The following PPA2 variants were observed in gnomAD, a reference collection of about 807,000 sequenced individuals.
The protein encoded by PPA2 is inorganic pyrophosphatase 2, also known as inorganic pyrophosphatase 2, mitochondrial.
In PPA2, 48 loss-of-function variants were observed where a neutral mutation model predicts 49.5. That is an observed-to-expected ratio of 0.97 (90% CI 0.77 to 1.23). The LOEUF is 1.23. Among genes scored for constraint, PPA2 ranks in the 50% most tolerant of loss-of-function variants. The pLI is 0.00. For missense variants in PPA2, 429 were observed against 410.1 expected, an observed-to-expected ratio of 1.05 and a Z score of -0.40; for synonymous variants, 131 against 139.9, an observed-to-expected ratio of 0.94 and a Z score of 0.45.
chr4:105,377,036 G>A (rs1733282737), intron 10 of PPA2, among the ~76,000 whole-genome samples: 1 of 152,106 alleles, frequency 6.6e-6, no homozygotes, highest in Non-Finnish European at 1.5e-5. Context: ...ATTCCCAGAT[G>A]GGAAGAGTGG....
At chr4:105,452,977 C>T in intron 3 of PPA2, among the ~76,000 whole-genome samples, 1 of 151,734 alleles carries the variant, frequency 6.6e-6, no homozygotes, top group East Asian at 1.9e-4. Context: ...TTTTCTTCTC[C>T]TCTACTCCCA....
intron 6 of PPA2, among the ~76,000 whole-genome samples, chr4:105,430,156 T>C (rs1435491358): frequency 6.6e-6 from 1 of 152,220 alleles, no homozygotes; most frequent in Non-Finnish European, 1.5e-5. Context: ...ACAAGGTATG[T>C]AGAAAAAAGT....
At chr4:105,462,447 A>G (rs1723132491) in intron 1 of PPA2, among the ~76,000 whole-genome samples, 1 of 152,218 alleles carries the variant, frequency 6.6e-6, no homozygotes, top group Non-Finnish European at 1.5e-5. Flanking sequence ...ACCTCTCCCC[A>G]GTCTAGTTCC....
chr4:105,383,858 A>G (rs1033844042), intron 10 of PPA2, among the ~76,000 whole-genome samples: 1 of 151,604 alleles, frequency 6.6e-6, no homozygotes, highest in Non-Finnish European at 1.5e-5. Context: ...ATCAAGTATG[A>G]TGAATGACTT....
In PPA2 at chr4:105,438,653, T is replaced by C. The variant is rs1349930686; in HGVS notation, c.442-617A>G. Among the ~76,000 whole-genome samples, 5 of 152,322 alleles carry C rather than the reference T, an allele frequency of 3.3e-5. 1 individual carries two copies. In the South Asian group the frequency reaches 8.3e-4, roughly 25 times the overall value. On this transcript the variant is annotated intron_variant, in intron 5 of 11. Coordinates refer to ENST00000341695, the MANE Select transcript of PPA2 (RefSeq NM_176869.3). ...ATTATACCCTGTTGGTTACAAAATATACACATAGGAATTTTTATAAATGAA... is the reference window on the plus strand; with the variant it reads ...ATTATACCCTGTTGGTTACAAAATACACACATAGGAATTTTTATAAATGAA...
intron 10 of PPA2, among the ~76,000 whole-genome samples, chr4:105,384,164 T>C (rs1348706062): frequency 2.0e-5 from 3 of 152,198 alleles, no homozygotes; most frequent in African/African-American, 7.2e-5. Flanking sequence ...TTCTTTGACT[T>C]ACAAATATTG....
chr4:105,424,944 T>C (rs1723424950), intron 6 of PPA2, among the ~76,000 whole-genome samples: 1 of 152,208 alleles, frequency 6.6e-6, no homozygotes, highest in African/African-American at 2.4e-5. Flanking sequence ...ACCTATAAAA[T>C]GAGTTCCAAC....
chr4:105,471,273 G>T (rs904691988), intron 1 of PPA2, among the ~76,000 whole-genome samples: 1 of 152,132 alleles, frequency 6.6e-6, no homozygotes, highest in African/African-American at 2.4e-5. Context: ...CAGGGTCAGG[G>T]CTGGCACCAA....
chr4:105,370,778 AC>A (rs1732991442), intron 11 of PPA2, 58 bp downstream of exon 11: 1 of 1,326,674 alleles, frequency 7.5e-7, no homozygotes, highest in Non-Finnish European at 9.8e-7. Context: ...TTTGGCTTCC[AC>A]TACTGTAAAC....
At position 105,396,215 on chromosome 4, in the gene PPA2, TAACATTACTTACATAGAAAAGAC is replaced by T; in HGVS notation, c.869+11_869+33del. The T allele has an allele frequency of 7.3e-7, 1 of 1,368,158 alleles. No individual in the cohort carries two copies. The highest frequency in any genetic ancestry group is 1.4e-5 in the African/African-American group (1 of 69,082). 84.8% of individuals were successfully genotyped at this position (1,368,158 alleles called of 1,614,324 possible). On this transcript the variant is annotated intron_variant, in intron 9 of 11. Coordinates refer to ENST00000341695, the MANE Select transcript of PPA2 (RefSeq NM_176869.3). Reference sequence around the variant, plus strand: ...TGTGGCTGTTTAATACCAATTAATATAACATTACTTACATAGAAAAGACAAATTCTTACCAATTTATAGCTCCT... The same window carrying T: ...TGTGGCTGTTTAATACCAATTAATATAAATTCTTACCAATTTATAGCTCCT...
intron 7 of PPA2, among the ~76,000 whole-genome samples, chr4:105,411,869 A>G (rs908854775): frequency 2.0e-5 from 3 of 152,214 alleles, no homozygotes; most frequent in African/African-American, 7.2e-5. Context: ...AATACCTAGG[A>G]ATCCAACTTA....
chr4:105,373,041 G>T (rs1042271406), intron 10 of PPA2, among the ~76,000 whole-genome samples: 1 of 152,102 alleles, frequency 6.6e-6, no homozygotes, highest in African/African-American at 2.4e-5. Flanking sequence ...GTCTCGCTAA[G>T]TTGCCCAGGC....
At position 105,403,465 on chromosome 4, in the gene PPA2, C is replaced by T. The variant is rs187605094; in HGVS notation, c.656-4301G>A. Among the ~76,000 whole-genome samples the T allele has an allele frequency of 2.0e-5, 3 of 152,114 alleles. No individual in the cohort carries two copies. In the East Asian group the frequency reaches 5.8e-4, roughly 29 times the overall value. ...AATTAACAAAGATTATATAGAATCT[C>T]CTTAAGGGAATTTTTGTATTAAAAC... On this transcript the variant is annotated intron_variant, in intron 7 of 11. Transcript: ENST00000341695.
intron 5 of PPA2, among the ~76,000 whole-genome samples, chr4:105,440,122 C>G (rs1724279052): frequency 6.6e-6 from 1 of 152,104 alleles, no homozygotes; most frequent in Non-Finnish European, 1.5e-5. Context: ...TACTCCCACT[C>G]CCAAGAGAAC....
chr4:105,446,868 C>A (rs188552236), intron 4 of PPA2, among the ~76,000 whole-genome samples: 11 of 152,216 alleles, frequency 7.2e-5, no homozygotes, highest in Non-Finnish European at 1.5e-4. Flanking sequence ...AAAACTAACT[C>A]AAAGATTCCT....
At chr4:105,418,712 T>C (rs1723118522) in intron 7 of PPA2, among the ~76,000 whole-genome samples, 2 of 152,182 alleles carry the variant, frequency 1.3e-5, no homozygotes, top group African/African-American at 2.4e-5. Flanking sequence ...CAACAGACAA[T>C]AGTTTTCATT....
rs865942175 is a variant in PPA2 at position 105,396,249 on chromosome 4, C to A, written c.869G>T (p.Cys290Phe). 6.5e-7 allele frequency: 1 copy of A among 1,546,544 alleles called. No individual in the cohort carries two copies. Reference sequence around the variant, plus strand: ...TTACATAGAAAAGACAAATTCTTACCAATTTATAGCTCCTCCATTACACTT... The same window carrying A: ...TTACATAGAAAAGACAAATTCTTACAAATTTATAGCTCCTCCATTACACTT... ...MKKCNGGAIN[C>F]TNVQISDSPF... Residue 290 changes from cysteine to phenylalanine, a missense_variant and splice_region_variant, in exon 9 of 12, where the codon TGC (cysteine) becomes TTC (phenylalanine). Physicochemically the swap from Cys to Phe is radical, Grantham distance 205. Transcript: ENST00000341695.
At chr4:105,424,440 A>T (rs1723397376) in intron 6 of PPA2, 118 bp from the exon 7 acceptor site, 3 of 910,042 alleles carry the variant, frequency 3.3e-6, no homozygotes, top group Non-Finnish European at 4.5e-6. Context: ...AGCCTCAATA[A>T]TTAAAAATAA....
chr4:105,386,616 T>C lies in PPA2; in HGVS notation c.890A>G (p.Asp297Gly), dbSNP rs1482579232. 1 of 1,612,696 alleles carries C rather than the reference T, an allele frequency of 6.2e-7. No individual in the cohort carries two copies. The highest frequency in any genetic ancestry group is 1.1e-5 in the South Asian group (1 of 91,040). The change falls in exon 10 of 12, where the codon GAT (aspartate) becomes GGT (glycine). Residue 297 changes from aspartate to glycine, a missense_variant. Coordinates refer to ENST00000341695, the MANE Select transcript of PPA2 (RefSeq NM_176869.3). ...AINCTNVQIS[D>G]SPFRCTQEEA... ...CTCTTGAGTGCAACGGAAAGGGCTA[T>C]CAGATATCTGCACGTTTGTGCTGGA...
Sources: gnomAD v4.1 joint callset for allele counts (sites outside exome capture counted in the v4.1 genomes callset) on GRCh38, gnomAD v4.1.1 for gene constraint, MANE v1.5 for transcripts, NCBI Gene and HGNC (gene_info 2026-07-23, HGNC 2026-07-21) for gene names.